The following PCDH19 variants were observed in gnomAD, a reference collection of about 807,000 sequenced individuals.
The protein encoded by PCDH19 is protocadherin-19.
Under a neutral mutation model 46.2 loss-of-function variants are expected in PCDH19, and 6 were observed. The observed-to-expected ratio is 0.13, with a 90% CI of 0.07 to 0.26. The LOEUF (loss-of-function observed/expected upper bound fraction) is 0.26, where lower values mean the gene tolerates loss of function less well. Ranked by LOEUF, PCDH19 falls within the 10% of genes least tolerant of loss-of-function variation. The pLI is 1.00. For synonymous variants in PCDH19, 481 were observed against 415.7 expected, an observed-to-expected ratio of 1.16 and a Z score of -1.91; for missense variants, 740 against 972.3, an observed-to-expected ratio of 0.76 and a Z score of 3.18.
chrX:100,376,289 A>G (rs1927383554), intron 3 of PCDH19, among the ~76,000 whole-genome samples: 1 of 109,621 alleles, frequency 9.1e-6, no homozygotes, highest in Admixed American at 9.8e-5. Context: ...CAGATATCAT[A>G]CTCTGAATTT....
chrX:100,296,324 T>G lies in PCDH19; in HGVS notation c.3400A>C (p.Asn1134His), dbSNP rs141816797. The G allele has an allele frequency of 6.9e-4, 835 of 1,210,055 alleles. 6 individuals are homozygous for G. The East Asian group carries it at 0.024, about 34-fold the overall frequency. The change falls in exon 6 of 6, where the codon AAC becomes CAC. Residue 1134 changes from asparagine (N) to histidine (H), a missense_variant. Asn to His is a moderately conservative substitution (Grantham distance 68, BLOSUM62 1). This residue lies in a region of PCDH19 where 416 missense variants were observed against 476.8 expected (regional missense o/e 0.87). Transcript: ENST00000373034. ...EVSPILKEGRNKESPGVKRLK... is the reference protein window; with the variant it reads ...EVSPILKEGRHKESPGVKRLK... ...CGCTTCACACCAGGGGACTCTTTGT[T>G]GCGACCTTCCTTCAGAATGGGGCTG...
chrX:100,355,889 T>C (rs757922325), intron 3 of PCDH19, among the ~76,000 whole-genome samples: 29 of 111,276 alleles, frequency 2.6e-4, no homozygotes, highest in African/African-American at 7.8e-4. Context: ...ACTTTAATTG[T>C]CATTTTGCAT....
intron 1 of PCDH19, among the ~76,000 whole-genome samples, chrX:100,404,589 G>C (rs1478972802): frequency 9.7e-6 from 1 of 103,229 alleles, no homozygotes; most frequent in Non-Finnish European, 2.0e-5. Flanking sequence ...TTTGGGTGAA[G>C]TTGGAGAGCA....
At chrX:100,339,791 A>G (rs1159567385) in intron 5 of PCDH19, among the ~76,000 whole-genome samples, 1 of 112,186 alleles carries the variant, frequency 8.9e-6, no homozygotes, top group African/African-American at 3.2e-5. Context: ...GAACTCACTC[A>G]AGGGTTGGCT....
At chrX:100,356,077 C>CA (rs1284099047) in intron 3 of PCDH19, among the ~76,000 whole-genome samples, 140 of 83,781 alleles carry the variant, frequency 1.7e-3, no homozygotes, top group African/African-American at 4.4e-3. Flanking sequence ...CTATACCAAG[C>CA]AAAAAAAAAA....
Position 100,387,519 on chromosome X carries a change from T to A in PCDH19, c.2616+15005A>T, listed in dbSNP as rs376083709. 1.5e-3 allele frequency among the ~76,000 whole-genome samples: 167 copies of A among 111,496 alleles called. No homozygotes were observed. In the South Asian group the frequency reaches 0.024, roughly 16 times the overall value. On this transcript the variant is annotated intron_variant, in intron 3 of 5. Transcript: ENST00000373034. ...AAGCACTTCCCTCCAAATTGGCCAT[T>A]TGGTACTGAAAAGGGCACTGAAAAA... is the stretch of plus-strand genomic sequence containing the variant.
intron 3 of PCDH19, among the ~76,000 whole-genome samples, chrX:100,366,255 T>C (rs1248110310): frequency 8.9e-6 from 1 of 111,995 alleles, no homozygotes; most frequent in Admixed American, 9.5e-5. Flanking sequence ...GATTGTTTGA[T>C]CGTAGTGAAA....
At chrX:100,308,671 C>A (rs1925025981) in intron 5 of PCDH19, among the ~76,000 whole-genome samples, 1 of 110,965 alleles carries the variant, frequency 9.0e-6, no homozygotes, top group Admixed American at 9.5e-5. Context: ...GGAACTCAGA[C>A]AAATCAGCAA....
intron 3 of PCDH19, among the ~76,000 whole-genome samples, chrX:100,384,512 A>G (rs1049731580): frequency 1.8e-5 from 2 of 111,106 alleles, no homozygotes; most frequent in Non-Finnish European, 3.8e-5. Flanking sequence ...ATATAAACCA[A>G]TAAGATATAT....
chrX:100,395,026 C>T (rs769888910), intron 3 of PCDH19, among the ~76,000 whole-genome samples: 2 of 109,551 alleles, frequency 1.8e-5, no homozygotes, highest in Non-Finnish European at 3.8e-5. Flanking sequence ...TAGCTGGGAC[C>T]ACAGGCGCCC....
chrX:100,370,949 T>A (rs1035521793), intron 3 of PCDH19, among the ~76,000 whole-genome samples: 11 of 109,544 alleles, frequency 1.0e-4, no homozygotes, highest in Non-Finnish European at 2.1e-4. Context: ...ATACACCAAA[T>A]CAAAAGGTCA....
Position 100,296,029 on chromosome X carries a change from T to C in PCDH19, c.*248A>G, listed in dbSNP as rs1445939530. The C allele has an allele frequency of 7.3e-6, 3 of 412,646 alleles. No individual in the cohort carries two copies. Among genetic ancestry groups the C allele is most frequent in the Non-Finnish European group, 1.3e-5 (3 of 237,647 alleles). 34.0% of individuals were successfully genotyped at this position (412,646 alleles called of 1,213,427 possible). A position where few individuals can be genotyped will look rare whatever the true frequency, so the allele number is the denominator to read the frequency against. ...AATACTTTTCACAACTGAATTTGTCTCTGTTTCCCCAACATCAAGGCCCCA... is the reference window on the plus strand; with the variant it reads ...AATACTTTTCACAACTGAATTTGTCCCTGTTTCCCCAACATCAAGGCCCCA... On this transcript the variant is annotated 3_prime_UTR_variant, in exon 6 of 6. Transcript: ENST00000373034.
At chrX:100,338,320 C>A (rs1234709633) in intron 5 of PCDH19, among the ~76,000 whole-genome samples, 1 of 82,257 alleles carries the variant, frequency 1.2e-5, no homozygotes, top group African/African-American at 4.9e-5. Flanking sequence ...CCAGCCTGGG[C>A]GACAGAGCGA....
intron 3 of PCDH19, among the ~76,000 whole-genome samples, chrX:100,357,558 A>C (rs1201982459): frequency 9.0e-6 from 1 of 111,346 alleles, no homozygotes; most frequent in Non-Finnish European, 1.9e-5. Context: ...TCATCACATC[A>C]CTTCTCTTTT....
intron 1 of PCDH19, among the ~76,000 whole-genome samples, chrX:100,404,550 AG>A (rs1422214302): frequency 9.0e-6 from 1 of 111,238 alleles, no homozygotes; most frequent in East Asian, 2.8e-4. Flanking sequence ...AAACCATCAC[AG>A]GAAACAGAAC....
intron 3 of PCDH19, among the ~76,000 whole-genome samples, chrX:100,399,445 T>C (rs902660699): frequency 8.9e-5 from 10 of 111,960 alleles, no homozygotes; most frequent in African/African-American, 2.6e-4. Flanking sequence ...TTTCTTGTCT[T>C]TTTCATCTCT....
At chrX:100,316,762 TATTTA>T (rs1343307741) in intron 5 of PCDH19, among the ~76,000 whole-genome samples, 1 of 112,120 alleles carries the variant, frequency 8.9e-6, no homozygotes, top group Non-Finnish European at 1.9e-5. Context: ...AGCTATTCAT[TATTTA>T]AACAAATCTC....
At chrX:100,381,989 G>A (rs1199823678) in intron 3 of PCDH19, among the ~76,000 whole-genome samples, 1 of 110,259 alleles carries the variant, frequency 9.1e-6, no homozygotes, top group Non-Finnish European at 1.9e-5. Context: ...AACTCTATAA[G>A]CTAGAGAAGG....
chrX:100,328,197 C>T (rs1487249644), intron 5 of PCDH19, among the ~76,000 whole-genome samples: 1 of 111,858 alleles, frequency 8.9e-6, no homozygotes, highest in Non-Finnish European at 1.9e-5. Context: ...TTATTTTAAA[C>T]AAATGAGAGA....
Sources: allele counts gnomAD v4.1 joint callset (sites outside exome capture counted in the v4.1 genomes callset), GRCh38; gene constraint gnomAD v4.1.1; regional missense constraint gnomAD v4.1.1; transcripts MANE v1.5; gene names NCBI Gene and HGNC (gene_info 2026-07-23, HGNC 2026-07-21).